The following SNTG2 variants were observed in gnomAD, a reference collection of about 807,000 sequenced individuals.
SNTG2 encodes the protein gamma-2-syntrophin.
A neutral mutation model predicts 70.9 loss-of-function variants in SNTG2; 74 were observed. That is an observed-to-expected ratio of 1.04 (90% CI 0.86 to 1.27). SNTG2 has a LOEUF of 1.27. Ranked by LOEUF, SNTG2 falls within the 50% of genes most tolerant of loss-of-function variation. SNTG2 has a pLI of 0.00. For synonymous variants in SNTG2, 278 were observed against 273.8 expected (o/e 1.02, Z -0.15); for missense variants, 717 against 690.7 (o/e 1.04, Z -0.43).
In SNTG2 at chr2:1,308,540, CG is replaced by C. The variant is rs2148248092; in HGVS notation, c.1333del (p.Val445TrpfsTer37). On this transcript the variant is annotated frameshift_variant, in exon 15 of 17. Coordinates refer to ENST00000308624, the MANE Select transcript of SNTG2 (RefSeq NM_018968.4). LOFTEE classifies it high-confidence loss of function. ...CSWQGEMLCF[T>X]VDFALGFTCF... ...TGGCAAGGAGAGATGCTGTGTTTCACGGTGGATTTCGCGTTGGGATTTACCT... is the reference window on the plus strand; with the variant it reads ...TGGCAAGGAGAGATGCTGTGTTTCACGTGGATTTCGCGTTGGGATTTACCT... 6.4e-7 allele frequency: 1 copy of C among 1,551,638 alleles called. No individual in the cohort carries two copies. Among genetic ancestry groups the C allele is most frequent in the East Asian group, 2.4e-5 (1 of 40,920 alleles).
At chr2:1,250,184 C>G (rs2148137558) in intron 12 of SNTG2, among the ~76,000 whole-genome samples, 1 of 152,390 alleles carries the variant, frequency 6.6e-6, no homozygotes, top group African/African-American at 2.4e-5. Flanking sequence ...CTGCCCCTTC[C>G]TCTGGCCCAC....
intron 1 of SNTG2, among the ~76,000 whole-genome samples, chr2:1,018,843 C>T (rs374699305): frequency 1.4e-4 from 21 of 152,192 alleles, no homozygotes; most frequent in East Asian, 1.3e-3. Flanking sequence ...CACATTACAG[C>T]CCCTGTTGGC....
At chr2:1,062,919 C>T (rs990015414) in intron 1 of SNTG2, among the ~76,000 whole-genome samples, 4 of 152,058 alleles carry the variant, frequency 2.6e-5, no homozygotes, top group Non-Finnish European at 5.9e-5. Context: ...CATACATACA[C>T]ACACAGCTTG....
chr2:1,243,222 C>G (rs554781311), intron 11 of SNTG2, among the ~76,000 whole-genome samples: 1 of 152,200 alleles, frequency 6.6e-6, no homozygotes, highest in Admixed American at 6.5e-5. Flanking sequence ...ACATAACTCT[C>G]CTTGAACTTT....
intron 16 of SNTG2, among the ~76,000 whole-genome samples, chr2:1,349,477 C>T (rs1660465640): frequency 6.6e-6 from 1 of 152,186 alleles, no homozygotes. Flanking sequence ...ATTAATTATA[C>T]AAAGGCAGTT....
At chr2:1,054,136 C>T (rs1662241126) in intron 1 of SNTG2, among the ~76,000 whole-genome samples, 1 of 152,162 alleles carries the variant, frequency 6.6e-6, no homozygotes, top group Non-Finnish European at 1.5e-5. Context: ...CGTGTCATTG[C>T]CACCCTGATT....
rs561538337 is a variant in SNTG2, at chr2:1,057,893, T to C, written c.73-25625T>C. On this transcript the variant is annotated intron_variant, in intron 1 of 16. Transcript: ENST00000308624. ...TCTCTACAAAAGATTTAAAAAAAAT[T>C]AGGTGGCATGGTGGCGCACACCTGT... Among the ~76,000 whole-genome samples, 78 of 152,178 alleles carry C rather than the reference T, an allele frequency of 5.1e-4. 1 individual carries two copies. The highest frequency in any genetic ancestry group is 1.9e-3 in the African/African-American group (77 of 41,520).
intron 6 of SNTG2, among the ~76,000 whole-genome samples, chr2:1,141,799 A>G (rs4426556): frequency 0.99 from 150,177 of 152,180 alleles, 74,131 homozygotes; most frequent in East Asian, 1. Context: ...GGGGAGTTAA[A>G]GAGCCCCAAG....
chr2:1,047,005 AG>A (rs1436457575), intron 1 of SNTG2, among the ~76,000 whole-genome samples: 1 of 152,102 alleles, frequency 6.6e-6, no homozygotes, highest in Non-Finnish European at 1.5e-5. Context: ...AGTCAGTCAT[AG>A]GTTTTGTCTC....
At chr2:1,012,611 G>T (rs4971356) in intron 1 of SNTG2, among the ~76,000 whole-genome samples, 41,049 of 90,180 alleles carry the variant, frequency 0.46, 10,516 homozygotes, top group African/African-American at 0.55. Context: ...GGGTGGTCTG[G>T]AAAGGGATTT....
chr2:1,138,945 C>T (rs751741492), intron 6 of SNTG2, among the ~76,000 whole-genome samples: 8 of 152,178 alleles, frequency 5.3e-5, no homozygotes, highest in African/African-American at 7.2e-5. Context: ...GAATCACTTC[C>T]TACACGCTCA....
At chr2:1,281,336 T>TGG (rs1679521063) in intron 14 of SNTG2, among the ~76,000 whole-genome samples, 8 of 42,904 alleles carry the variant, frequency 1.9e-4, no homozygotes, top group East Asian at 7.4e-4. Context: ...TGTGTGTGTG[T>TGG]GGTGGTATGT....
At chr2:1,208,082 C>A (rs991123930) in intron 8 of SNTG2, among the ~76,000 whole-genome samples, 1 of 152,234 alleles carries the variant, frequency 6.6e-6, no homozygotes, top group Non-Finnish European at 1.5e-5. Flanking sequence ...CAGACAGATG[C>A]TCGGATTCCA....
intron 1 of SNTG2, among the ~76,000 whole-genome samples, chr2:1,043,474 T>C (rs2148062269): frequency 6.6e-6 from 1 of 152,280 alleles, no homozygotes; most frequent in Non-Finnish European, 1.5e-5. Flanking sequence ...TTGGAGTTTT[T>C]GTAATGAAGT....
intron 16 of SNTG2, among the ~76,000 whole-genome samples, chr2:1,342,130 C>T (rs1010764292): frequency 1.3e-5 from 2 of 152,212 alleles, no homozygotes; most frequent in Admixed American, 6.5e-5. Flanking sequence ...TAATGCAAAT[C>T]AGAGCCTTCG....
chr2:1,083,971 G>A (rs1468927000), intron 2 of SNTG2, among the ~76,000 whole-genome samples: 1 of 152,050 alleles, frequency 6.6e-6, no homozygotes, highest in African/African-American at 2.4e-5. Context: ...AATCCAGGAG[G>A]CGGAGGTTTC....
intron 8 of SNTG2, among the ~76,000 whole-genome samples, chr2:1,179,965 G>A (rs1671752099): frequency 7.2e-6 from 1 of 138,398 alleles, no homozygotes; most frequent in Non-Finnish European, 1.6e-5. Context: ...AAGCAATGGG[G>A]AAAGGATTCC....
At chr2:1,316,869 T>G (rs34666162) in intron 16 of SNTG2, among the ~76,000 whole-genome samples, 8 of 66,726 alleles carry the variant, frequency 1.2e-4, no homozygotes, top group South Asian at 5.6e-4. Flanking sequence ...CTGGAGCGTT[T>G]AGCATGAGGC....
chr2:1,264,922 T>C (rs1444802758), intron 13 of SNTG2, among the ~76,000 whole-genome samples: 1 of 152,222 alleles, frequency 6.6e-6, no homozygotes, highest in African/African-American at 2.4e-5. Flanking sequence ...TATGTGTTAA[T>C]TGACTGTTCA....
Sources: gnomAD v4.1 joint callset for allele counts (sites outside exome capture counted in the v4.1 genomes callset) on GRCh38, gnomAD v4.1.1 for gene constraint, MANE v1.5 for transcripts, NCBI Gene and HGNC (gene_info 2026-07-23, HGNC 2026-07-21) for gene names.